MORF4L1: variants seen among roughly 807,000 people sequenced by gnomAD.
MORF4L1 encodes mortality factor 4 like 1.
A neutral mutation model predicts 52.9 loss-of-function variants in MORF4L1; 4 were observed. That is an observed-to-expected ratio of 0.08 (90% CI 0.04 to 0.17). MORF4L1 has a LOEUF of 0.17. Ranked by LOEUF, MORF4L1 falls within the 10% of genes least tolerant of loss-of-function variation. The pLI, the probability that MORF4L1 is intolerant of heterozygous loss-of-function variation, is 1.00. For missense variants in MORF4L1, 214 were observed against 390.4 expected, an observed-to-expected ratio of 0.55 and a Z score of 3.81; for synonymous variants, 123 against 134.8, an observed-to-expected ratio of 0.91 and a Z score of 0.61.
At chr15:78,875,162 T>C (rs980191634) in intron 1 of MORF4L1, among the ~76,000 whole-genome samples, 1 of 152,198 alleles carries the variant, frequency 6.6e-6, no homozygotes, top group African/African-American at 2.4e-5. Context: ...GTTTTATGTA[T>C]TTATGAAACT....
intron 9 of MORF4L1, 114 bp from the exon 10 acceptor site, chr15:78,893,944 C>A: frequency 9.6e-7 from 1 of 1,040,592 alleles, no homozygotes; most frequent in Non-Finnish European, 1.4e-6. Flanking sequence ...AAAAAAATCT[C>A]AGCTATGGTT....
chr15:78,873,159 C>G, intron 1 of MORF4L1, 102 bp downstream of exon 1: 2 of 1,537,006 alleles, frequency 1.3e-6, no homozygotes, highest in South Asian at 2.4e-5. Context: ...CGGGCTGCGC[C>G]CTGAGAAGGC....
At chr15:78,890,935 A>T in intron 5 of MORF4L1, 54 bp from the exon 6 acceptor site, 1 of 1,369,992 alleles carries the variant, frequency 7.3e-7, no homozygotes, top group Non-Finnish European at 9.6e-7. Flanking sequence ...GGGAGTTGAA[A>T]CAGAGGCAGT....
intron 1 of MORF4L1, 78 bp from the exon 2 acceptor site, chr15:78,878,135 G>A (rs535422951): frequency 7.7e-6 from 11 of 1,435,190 alleles, no homozygotes; most frequent in African/African-American, 1.4e-5. Context: ...CTTAATAAAA[G>A]TGTGATGACT....
intron 2 of MORF4L1, among the ~76,000 whole-genome samples, chr15:78,879,314 C>T (rs752293576): frequency 3.0e-4 from 45 of 152,108 alleles, no homozygotes; most frequent in African/African-American, 4.8e-5. Flanking sequence ...GTCCCCCTCC[C>T]GGGTTGAAGC....
At chr15:78,875,289 TAAGAG>T (rs1406553489) in intron 1 of MORF4L1, among the ~76,000 whole-genome samples, 5 of 152,134 alleles carry the variant, frequency 3.3e-5, no homozygotes, top group Non-Finnish European at 7.3e-5. Context: ...GGTTGCTAGT[TAAGAG>T]AGGAGTAGCA....
At chr15:78,880,946 A>T (rs1251450971) in intron 3 of MORF4L1, among the ~76,000 whole-genome samples, 1 of 149,304 alleles carries the variant, frequency 6.7e-6, no homozygotes, top group African/African-American at 2.5e-5. Flanking sequence ...CATGTTGATT[A>T]TATATGTTAT....
At chr15:78,880,810 A>G (rs1262729179) in intron 3 of MORF4L1, among the ~76,000 whole-genome samples, 1 of 151,438 alleles carries the variant, frequency 6.6e-6, no homozygotes, top group Non-Finnish European at 1.5e-5. Flanking sequence ...CTAGTGTAAT[A>G]TCTATTAGTC....
chr15:78,890,354 A>T (rs1312650901), intron 5 of MORF4L1, among the ~76,000 whole-genome samples: 1 of 152,224 alleles, frequency 6.6e-6, no homozygotes, highest in Admixed American at 6.5e-5. Context: ...GAACAAAAAT[A>T]ATTGGAAAAA....
At chr15:78,876,490 A>G (rs1470648745) in intron 1 of MORF4L1, 3 of 455,004 alleles carry the variant, frequency 6.6e-6, no homozygotes, top group South Asian at 1.5e-5. Flanking sequence ...TATTTTTTCA[A>G]CAAAATACTA....
At chr15:78,878,090 C>G (rs556328923) in intron 1 of MORF4L1, 123 bp from the exon 2 acceptor site, 1 of 895,056 alleles carries the variant, frequency 1.1e-6, no homozygotes, top group East Asian at 2.7e-5. Flanking sequence ...GCTCTGTATA[C>G]CCGTCCTCAT....
At chr15:78,873,288 G>A in intron 1 of MORF4L1, 2 of 1,367,266 alleles carry the variant, frequency 1.5e-6, no homozygotes, top group Non-Finnish European at 1.9e-6. Context: ...GAGAGAGAGC[G>A]TTTGGCGCGT....
At chr15:78,875,477 G>C (rs1463056327) in intron 1 of MORF4L1, among the ~76,000 whole-genome samples, 1 of 152,164 alleles carries the variant, frequency 6.6e-6, no homozygotes, top group Non-Finnish European at 1.5e-5. Context: ...TTTTAAAAAT[G>C]ATTTTAGTGG....
rs180984988 is a variant in MORF4L1, at chr15:78,897,758, T to G, written c.*691T>G. 6.5e-6 allele frequency: 1 copy of G among 152,774 alleles called. No individual in the cohort carries two copies. The highest frequency in any genetic ancestry group is 1.5e-5 in the Non-Finnish European group (1 of 68,028). 9.5% of individuals were successfully genotyped at this position (152,774 alleles called of 1,614,324 possible). A position where few individuals can be genotyped will look rare whatever the true frequency, so the allele number is the denominator to read the frequency against. ...AGAACAATGTGCTTGTGTTGATGCC[T>G]TACAAAAACCATTGTATATTTGTGT... On this transcript the variant is annotated 3_prime_UTR_variant, in exon 12 of 12. Transcript: ENST00000426013.
chr15:78,873,484 C>G (rs943173172), intron 1 of MORF4L1, among the ~76,000 whole-genome samples: 6 of 151,982 alleles, frequency 3.9e-5, no homozygotes, highest in Non-Finnish European at 8.8e-5. Context: ...GCAGCTACGA[C>G]GGGTTTTTCG....
rs190954291 is a variant in MORF4L1, at chr15:78,893,898, C to T, written c.630-160C>T. ...GAAAATGTAAGAATCATCTTAATTG[C>T]TTTAGTTTGTCAAACCCTGCTTTCA... is the stretch of plus-strand genomic sequence containing the variant. On this transcript the variant is annotated intron_variant, in intron 9 of 11. Coordinates refer to ENST00000426013, the MANE Select transcript of MORF4L1 (RefSeq NM_006791.4). Among the ~76,000 whole-genome samples the T allele has an allele frequency of 9.2e-5, 14 of 152,186 alleles. No individual in the cohort carries two copies. In the East Asian group the frequency reaches 2.5e-3, roughly 27 times the overall value.
chr15:78,896,486 C>G (rs909789056), intron 11 of MORF4L1, among the ~76,000 whole-genome samples: 2 of 151,698 alleles, frequency 1.3e-5, no homozygotes, highest in African/African-American at 4.8e-5. Context: ...AATTTTGTGT[C>G]TTTAGTAGAG....
At chr15:78,884,981 C>G in intron 3 of MORF4L1, 1 of 1,613,750 alleles carries the variant, frequency 6.2e-7, no homozygotes, top group Non-Finnish European at 8.5e-7. Flanking sequence ...GCTGTGAGGC[C>G]CAGGCGCTCT....
intron 5 of MORF4L1, among the ~76,000 whole-genome samples, chr15:78,888,367 C>T (rs988013178): frequency 3.3e-5 from 5 of 151,028 alleles, no homozygotes; most frequent in East Asian, 1.9e-4. Context: ...TTCAGGAGGC[C>T]GATGTGGGAG....
Sources: gnomAD v4.1 joint callset for allele counts (sites outside exome capture counted in the v4.1 genomes callset) on GRCh38, gnomAD v4.1.1 for gene constraint, MANE v1.5 for transcripts, NCBI Gene and HGNC (gene_info 2026-07-23, HGNC 2026-07-21) for gene names.